TMCO5A: variants seen among roughly 807,000 people sequenced by gnomAD.
TMCO5A encodes transmembrane and coiled-coil domains 5A.
A neutral mutation model predicts 42.3 loss-of-function variants in TMCO5A; 34 were observed. That is an observed-to-expected ratio of 0.80 (90% confidence interval 0.61 to 1.07). The LOEUF (loss-of-function observed/expected upper bound fraction) is 1.07. Among genes scored for constraint, TMCO5A ranks in the 50% least tolerant of loss-of-function variants. The pLI is 0.00. For missense variants in TMCO5A, 357 were observed against 327.9 expected (o/e 1.09, Z -0.69); for synonymous variants, 131 against 115.6 (o/e 1.13, Z -0.86).
chr15:37,936,773 A>G, intron 3 of TMCO5A, 74 bp from the exon 4 acceptor site: 1 of 1,588,134 alleles, frequency 6.3e-7, no homozygotes. Flanking sequence ...GTTCCCTTAT[A>G]TCTGAAATCT....
the TMCO5A span, among the ~76,000 whole-genome samples, chr15:37,980,197 G>C: frequency 2.0e-5 from 3 of 151,318 alleles, no homozygotes; most frequent in Non-Finnish European, 2.9e-5. Flanking sequence ...GTGGGGTGCA[G>C]TGGAGGTAAG....
At chr15:38,009,631 AG>A in the TMCO5A span, among the ~76,000 whole-genome samples, 1 of 152,218 alleles carries the variant, frequency 6.6e-6, no homozygotes, top group Non-Finnish European at 1.5e-5. Context: ...TTTTCTAATT[AG>A]TTAGCTTAAG....
At chr15:37,989,962 T>C in the TMCO5A span, among the ~76,000 whole-genome samples, 1 of 152,042 alleles carries the variant, frequency 6.6e-6, no homozygotes, top group African/African-American at 2.4e-5. Context: ...GCACATAAAT[T>C]TGGAGAACAT....
chr15:37,996,159 C>T, the TMCO5A span, among the ~76,000 whole-genome samples: 3 of 152,156 alleles, frequency 2.0e-5, no homozygotes, highest in South Asian at 2.1e-4. Flanking sequence ...AACCCTGGGG[C>T]GTAAGAGTGA....
chr15:38,008,993 A>T, the TMCO5A span, among the ~76,000 whole-genome samples: 1 of 152,214 alleles, frequency 6.6e-6, no homozygotes, highest in African/African-American at 2.4e-5. Flanking sequence ...AAGAAGAAAC[A>T]TATGGAAAAA....
the TMCO5A span, among the ~76,000 whole-genome samples, chr15:38,025,202 G>T: frequency 2.2e-3 from 311 of 141,410 alleles, no homozygotes; most frequent in African/African-American, 6.5e-3. Context: ...TGTGTGTGTG[G>T]AAGCAGAAAA....
chr15:38,020,567 T>A, the TMCO5A span: 1 of 152,156 alleles, frequency 6.6e-6, no homozygotes, highest in African/African-American at 2.4e-5. Context: ...TTGAGACCAC[T>A]ACAGACACCT....
At chr15:38,013,468 G>A in the TMCO5A span, among the ~76,000 whole-genome samples, 13 of 152,066 alleles carry the variant, frequency 8.5e-5, no homozygotes, top group African/African-American at 3.1e-4. Context: ...ACATTAAAGG[G>A]TGGATTTGGA....
intron 10 of TMCO5A, among the ~76,000 whole-genome samples, chr15:37,944,983 C>A (rs189854850): frequency 1.8e-3 from 281 of 152,128 alleles, no homozygotes; most frequent in Non-Finnish European, 3.1e-3. Flanking sequence ...AGGTATTAAG[C>A]CCAGCATCTA....
the TMCO5A span, among the ~76,000 whole-genome samples, chr15:38,007,872 CTTTTTTTTTTTTTTTTTTTTTTTTTTTT>C: frequency 8.4e-3 from 398 of 47,412 alleles, 3 homozygotes; most frequent in African/African-American, 0.03. Flanking sequence ...CTCACCCACA[CTTTTTTTTTTTTTTTTTTTTTTTTTTTT>C]TTTTTTTTTT....
At chr15:37,994,073 C>T in the TMCO5A span, among the ~76,000 whole-genome samples, 2 of 152,124 alleles carry the variant, frequency 1.3e-5, no homozygotes, top group Non-Finnish European at 2.9e-5. Flanking sequence ...CCAACCTTAA[C>T]TCAAAAAAAG....
chr15:38,008,402 G>A, the TMCO5A span, among the ~76,000 whole-genome samples: 2 of 152,106 alleles, frequency 1.3e-5, no homozygotes, highest in Non-Finnish European at 2.9e-5. Flanking sequence ...AGGGAAGGGG[G>A]AAATCAACAT....
chr15:38,028,831 C>T, the TMCO5A span, among the ~76,000 whole-genome samples: 1 of 152,100 alleles, frequency 6.6e-6, no homozygotes, highest in African/African-American at 2.4e-5. Flanking sequence ...ATCTCCAGTG[C>T]ACTTGATGCA....
At chr15:37,978,300 A>C in the TMCO5A span, among the ~76,000 whole-genome samples, 4 of 152,342 alleles carry the variant, frequency 2.6e-5, no homozygotes, top group South Asian at 4.1e-4. Context: ...TCCCCAGTCC[A>C]AGAGGAACAA....
chr15:38,021,362 G>A, the TMCO5A span, among the ~76,000 whole-genome samples: 1 of 152,198 alleles, frequency 6.6e-6, no homozygotes, highest in Non-Finnish European at 1.5e-5. Context: ...CTCCAGGTCT[G>A]CGTGCAGCTC....
chr15:37,938,251 A>G, intron 6 of TMCO5A, 22 bp downstream of exon 6: 1 of 1,548,806 alleles, frequency 6.5e-7, no homozygotes, highest in East Asian at 2.4e-5. Flanking sequence ...AAACAATCCT[A>G]AATGTGGTTG....
At chr15:38,017,924 G>A in the TMCO5A span, among the ~76,000 whole-genome samples, 8 of 152,112 alleles carry the variant, frequency 5.3e-5, no homozygotes, top group Non-Finnish European at 8.8e-5. Context: ...GTTTGAAAGC[G>A]TGTGGCACTT....
the TMCO5A span, among the ~76,000 whole-genome samples, chr15:38,031,369 C>G: frequency 1.3e-5 from 2 of 152,160 alleles, no homozygotes; most frequent in African/African-American, 4.8e-5. Context: ...ATCTTTGTCC[C>G]TCCCGCATTG....
chr15:38,036,110 G>A, the TMCO5A span, among the ~76,000 whole-genome samples: 2 of 152,074 alleles, frequency 1.3e-5, no homozygotes, highest in African/African-American at 2.4e-5. Flanking sequence ...ATTCTACCTT[G>A]GAAATGTTTC....
Sources: allele counts gnomAD v4.1 joint callset (sites outside exome capture counted in the v4.1 genomes callset), GRCh38; gene constraint gnomAD v4.1.1; transcripts MANE v1.5; gene names NCBI Gene and HGNC (gene_info 2026-07-23, HGNC 2026-07-21).